Variants in BRD4 observed in about 807,000 individuals in gnomAD.
The protein encoded by BRD4 is bromodomain containing 4.
BRD4 carries 16 observed loss-of-function variants against 142.1 expected under a neutral mutation model. That is an observed-to-expected ratio of 0.11 (90% CI 0.08 to 0.17). The LOEUF (loss-of-function observed/expected upper bound fraction) is 0.17. BRD4 is among the 10% of genes least tolerant of loss of function. The pLI, the probability that BRD4 is intolerant of heterozygous loss-of-function variation, is 1.00. For synonymous variants in BRD4, 833 were observed against 707.5 expected (o/e 1.18, Z -2.82); for missense variants, 1,424 against 1,810.9 (o/e 0.79, Z 3.88).
intron 14 of BRD4, among the ~76,000 whole-genome samples, chr19:15,242,176 A>T (rs1009257281): frequency 6.6e-6 from 1 of 152,042 alleles, no homozygotes; most frequent in Non-Finnish European, 1.5e-5. Context: ...CTTGATTTGC[A>T]GGCAGCACCC....
At chr19:15,292,029 T>C (rs76495425) in intron 1 of BRD4, among the ~76,000 whole-genome samples, 11 of 152,326 alleles carry the variant, frequency 7.2e-5, no homozygotes, top group East Asian at 5.8e-4. Flanking sequence ...TTTTGCTACG[T>C]AGTGACAAAA....
intron 14 of BRD4, 55 bp from the exon 15 acceptor site, chr19:15,240,077 G>T (rs2047227041): frequency 6.5e-7 from 1 of 1,549,864 alleles, no homozygotes; most frequent in Non-Finnish European, 8.7e-7. Flanking sequence ...TGCTGGCCCT[G>T]AGAGAATTGT....
intron 1 of BRD4, among the ~76,000 whole-genome samples, chr19:15,317,006 GT>G (rs1358986523): frequency 8.5e-5 from 13 of 152,172 alleles, no homozygotes; most frequent in African/African-American, 3.1e-4. Context: ...GCTCTACCCT[GT>G]GCTCACTACG....
Position 15,239,783 on chromosome 19 carries a change from G to A in BRD4, c.3321C>T (p.Leu1107=), listed in dbSNP as rs11669901. The A allele has an allele frequency of 0.17, 268,726 of 1,612,582 alleles. 23,202 individuals are homozygous for A. Among genetic ancestry groups the A allele is most frequent in the Middle Eastern group, 0.22 (1,360 of 6,060 alleles). The change falls in exon 16 of 20, where the codon CTC becomes CTT. Residue 1107 remains leucine, a synonymous_variant. Transcript: ENST00000679869. The surrounding 1 kb of genome is among the most constrained non-coding windows in gnomAD (Gnocchi z 7.4). ...RAASVVQPQP[L]VVVKEEKIHS... ...GGATCTTCTCCTCCTTCACCACCACGAGGGGCTGGGGCTGGACCACGGAGG... is the reference window on the plus strand; with the variant it reads ...GGATCTTCTCCTCCTTCACCACCACAAGGGGCTGGGGCTGGACCACGGAGG...
intron 1 of BRD4, among the ~76,000 whole-genome samples, chr19:15,287,961 G>A (rs2047752870): frequency 6.6e-6 from 1 of 152,002 alleles, no homozygotes; most frequent in South Asian, 2.1e-4. Flanking sequence ...TAGGGACTGG[G>A]TTTCACCAAC....
chr19:15,322,586 C>T (rs1245485747), intron 1 of BRD4, among the ~76,000 whole-genome samples: 17 of 149,110 alleles, frequency 1.1e-4, no homozygotes, highest in African/African-American at 2.0e-4. Flanking sequence ...GGCGTGGTGG[C>T]GGGCGCCTGT....
intron 1 of BRD4, among the ~76,000 whole-genome samples, chr19:15,295,641 T>C (rs944034601): frequency 2.0e-5 from 3 of 152,200 alleles, no homozygotes. Flanking sequence ...GAAAAGGAAA[T>C]GAGAGAGGCA....
At chr19:15,280,047 G>A (rs2047690572) in intron 1 of BRD4, among the ~76,000 whole-genome samples, 1 of 152,184 alleles carries the variant, frequency 6.6e-6, no homozygotes, top group South Asian at 2.1e-4. Context: ...TCCACAGGAG[G>A]TACCTGCCAC....
At chr19:15,284,670 A>C (rs1426636768) in intron 1 of BRD4, among the ~76,000 whole-genome samples, 1 of 152,172 alleles carries the variant, frequency 6.6e-6, no homozygotes, top group Non-Finnish European at 1.5e-5. Flanking sequence ...ACACACATTC[A>C]GTGTCTACTT....
At chr19:15,244,178 T>C in intron 13 of BRD4, 53 bp downstream of exon 13, 1 of 1,535,412 alleles carries the variant, frequency 6.5e-7, no homozygotes, top group Non-Finnish European at 8.7e-7. Context: ...ACCACATGGG[T>C]AAACCGAGGC....
In BRD4 at chr19:15,237,988, G is replaced by A. The variant is rs903765096; in HGVS notation, c.*389C>T. On this transcript the variant is annotated 3_prime_UTR_variant, in exon 20 of 20. Transcript: ENST00000679869. ...TCCCGGCGGGCAGGACATCACGAAC[G>A]TCACGTTCTTGGGGACAGAAAACCA... is the stretch of plus-strand genomic sequence containing the variant. 1.2e-5 allele frequency: 3 copies of A among 244,822 alleles called. No homozygotes were observed. The highest frequency in any genetic ancestry group is 2.2e-5 in the African/African-American group (1 of 45,514). 15.2% of individuals were successfully genotyped at this position (244,822 alleles called of 1,614,324 possible). A position where few individuals can be genotyped will look rare whatever the true frequency, so the allele number is the denominator to read the frequency against.
At position 15,237,415 on chromosome 19, in the gene BRD4, G is replaced by A. The variant is rs908790387; in HGVS notation, c.*962C>T. On this transcript the variant is annotated 3_prime_UTR_variant, in exon 20 of 20. Coordinates refer to ENST00000679869, the MANE Select transcript of BRD4 (RefSeq NM_001379291.1). Reference sequence around the variant, plus strand: ...CTTTTTTCTTTTTTCACACCAGTTTGGTGGAGTCACCAACAAACTTCAAAC... The same window carrying A: ...CTTTTTTCTTTTTTCACACCAGTTTAGTGGAGTCACCAACAAACTTCAAAC... 3.1e-5 allele frequency: 7 copies of A among 222,592 alleles called. No individual in the cohort carries two copies. The East Asian group carries it at 4.5e-4, about 14-fold the overall frequency. The allele number at this position is 222,592 out of a possible 1,614,324, so 13.8% of individuals were successfully genotyped here. A position where few individuals can be genotyped will look rare whatever the true frequency, so the allele number is the denominator to read the frequency against.
chr19:15,312,461 T>A (rs1200921639), intron 1 of BRD4, among the ~76,000 whole-genome samples: 2 of 151,772 alleles, frequency 1.3e-5, no homozygotes, highest in African/African-American at 4.8e-5. Flanking sequence ...TGAAACCCCG[T>A]CTCTACTAAA....
chr19:15,239,990 T>C lies in BRD4; in HGVS notation c.3202A>G (p.Ile1068Val), dbSNP rs143993362. The change falls in exon 15 of 20, where the codon ATA becomes GTA. Residue 1068 changes from isoleucine to valine, a missense_variant. Physicochemically the swap from Ile to Val is conservative, Grantham distance 29. Coordinates refer to ENST00000679869, the MANE Select transcript of BRD4 (RefSeq NM_001379291.1). This position sits in a 1 kb window ranked among gnomAD's most constrained non-coding sequence, Gnocchi z 7.4. Reference protein sequence around the residue: ...HLREAPSPLMIHSPQMSQFQS... With the variant: ...HLREAPSPLMVHSPQMSQFQS... ...AACTGTGACATCTGGGGGGAATGTA[T>C]CATAAGCGGGGAGGGGGCTTCGCGG... is the stretch of plus-strand genomic sequence containing the variant. The C allele has an allele frequency of 6.2e-7, 1 of 1,613,090 alleles. No homozygotes were observed. Among genetic ancestry groups the C allele is most frequent in the Non-Finnish European group, 8.5e-7 (1 of 1,179,796 alleles).
intron 6 of BRD4, 159 bp downstream of exon 6, chr19:15,264,245 C>T: frequency 1.0e-6 from 1 of 969,804 alleles, no homozygotes; most frequent in Non-Finnish European, 1.5e-6. Flanking sequence ...CCACAGCAGA[C>T]AGCAGGGGGC....
intron 1 of BRD4, among the ~76,000 whole-genome samples, chr19:15,316,603 A>G (rs1054910358): frequency 1.3e-5 from 2 of 152,190 alleles, no homozygotes; most frequent in African/African-American, 2.4e-5. Context: ...AAAAAAAAGA[A>G]AAAGAAAAAG....
At chr19:15,326,805 T>A (rs2048112084) in intron 1 of BRD4, among the ~76,000 whole-genome samples, 1 of 152,180 alleles carries the variant, frequency 6.6e-6, no homozygotes, top group South Asian at 2.1e-4. Flanking sequence ...TTCTTCAGAG[T>A]GGACTACATT....
At chr19:15,281,803 A>G (rs1458888194) in intron 1 of BRD4, among the ~76,000 whole-genome samples, 2 of 152,178 alleles carry the variant, frequency 1.3e-5, no homozygotes, top group African/African-American at 2.4e-5. Flanking sequence ...GGATTGCCTG[A>G]GTTCAGGAGT....
At chr19:15,275,221 G>C (rs1369282165) in intron 1 of BRD4, among the ~76,000 whole-genome samples, 2 of 152,184 alleles carry the variant, frequency 1.3e-5, no homozygotes, top group African/African-American at 2.4e-5. Flanking sequence ...CCTGACTCTT[G>C]AACCTTGCCT....
Sources: gnomAD v4.1 joint callset for allele counts (sites outside exome capture counted in the v4.1 genomes callset) on GRCh38, gnomAD v4.1.1 for gene constraint, Gnocchi (gnomAD v3.1) non-coding constraint, MANE v1.5 for transcripts, NCBI Gene and HGNC (gene_info 2026-07-23, HGNC 2026-07-21) for gene names.